The following FREM2 variants were observed in gnomAD, a reference collection of about 807,000 sequenced individuals.
FREM2 encodes FRAS1-related extracellular matrix protein 2.
In FREM2, 119 loss-of-function variants were observed where a neutral mutation model predicts 219.9. The ratio of observed to expected loss-of-function variants is 0.54; its 90% confidence interval spans 0.47 to 0.63. FREM2 has a LOEUF of 0.63. FREM2 is among the 30% of genes least tolerant of loss of function. The probability of loss-of-function intolerance (pLI) is 0.00; values close to 1 mark genes in which losing one functional copy is unlikely to be tolerated. For synonymous variants in FREM2, 1,562 were observed against 1,522.8 expected (o/e 1.03, Z -0.60); for missense variants, 4,030 against 3,993.6 (o/e 1.01, Z -0.25).
intron 3 of FREM2, among the ~76,000 whole-genome samples, chr13:38,768,780 A>G (rs1358112792): frequency 6.6e-6 from 1 of 152,180 alleles, no homozygotes; most frequent in Non-Finnish European, 1.5e-5. Context: ...CTTTTGGATA[A>G]TGTACCCTAT....
chr13:38,725,527 G>T (rs1265434439), intron 2 of FREM2, among the ~76,000 whole-genome samples: 1 of 152,182 alleles, frequency 6.6e-6, no homozygotes, highest in African/African-American at 2.4e-5. Context: ...GGAAAGACCG[G>T]GGAGAAATTG....
chr13:38,760,624 G>GT (rs141449486), intron 2 of FREM2, among the ~76,000 whole-genome samples: 9,500 of 152,044 alleles, frequency 0.062, 387 homozygotes, highest in Non-Finnish European at 0.094. Flanking sequence ...ACCAATTACT[G>GT]TTTTTTAATA....
intron 11 of FREM2, among the ~76,000 whole-genome samples, chr13:38,855,138 AT>A (rs34156270): frequency 0.28 from 42,218 of 150,292 alleles, 8,210 homozygotes; most frequent in African/African-American, 0.55. Context: ...AATAATTCTG[AT>A]TTTTTTTTTA....
intron 2 of FREM2, among the ~76,000 whole-genome samples, chr13:38,729,676 A>G (rs1593370594): frequency 6.6e-6 from 1 of 152,190 alleles, no homozygotes; most frequent in African/African-American, 2.4e-5. Flanking sequence ...TGATATGTGT[A>G]TTGAGGCTTT....
intron 2 of FREM2, among the ~76,000 whole-genome samples, chr13:38,754,885 TGATGATGATG>T (rs1566129649): frequency 8.0e-5 from 8 of 100,438 alleles, no homozygotes; most frequent in East Asian, 2.9e-4. Context: ...ATGATGATGA[TGATGATGATG>T]ATGATGATTA....
At chr13:38,818,894 A>G (rs1875882455) in intron 6 of FREM2, among the ~76,000 whole-genome samples, 2 of 152,080 alleles carry the variant, frequency 1.3e-5, no homozygotes, top group Admixed American at 1.3e-4. Context: ...TCCGTCTCAA[A>G]AAAAAAATGC....
At chr13:38,815,359 C>G (rs1378075106) in intron 6 of FREM2, among the ~76,000 whole-genome samples, 1 of 151,790 alleles carries the variant, frequency 6.6e-6, no homozygotes, top group Admixed American at 6.6e-5. Flanking sequence ...AGGCAAGAAA[C>G]AAATCTCAGA....
chr13:38,749,746 G>T (rs1268652837), intron 2 of FREM2, among the ~76,000 whole-genome samples: 1 of 151,914 alleles, frequency 6.6e-6, no homozygotes, highest in Non-Finnish European at 1.5e-5. Context: ...TTCCCCAAAG[G>T]GCAAAATTAT....
chr13:38,762,382 C>G (rs1873260691), intron 2 of FREM2, among the ~76,000 whole-genome samples: 1 of 152,002 alleles, frequency 6.6e-6, no homozygotes, highest in Non-Finnish European at 1.5e-5. Flanking sequence ...TTCATCAGCG[C>G]AAAATGTGGA....
chr13:38,759,111 T>A (rs1328235129), intron 2 of FREM2, among the ~76,000 whole-genome samples: 1 of 152,220 alleles, frequency 6.6e-6, no homozygotes, highest in Non-Finnish European at 1.5e-5. Flanking sequence ...TCTTTTCTCA[T>A]ATAAATATCT....
rs1341103036 is a variant in FREM2, at chr13:38,697,726, T to C, written c.5202T>C (p.Tyr1734=). The change falls in exon 2 of 24, where the codon TAT becomes TAC. Residue 1734 remains tyrosine, a synonymous_variant. Coordinates refer to ENST00000280481, the MANE Select transcript of FREM2 (RefSeq NM_207361.6). ...QADIDDMKIC[Y]VLREGANATS... ...ACATTGATGACATGAAAATATGCTATGTCTTAAGAGAAGGGGCTAATGCCA... is the reference window on the plus strand; with the variant it reads ...ACATTGATGACATGAAAATATGCTACGTCTTAAGAGAAGGGGCTAATGCCA... 1.9e-6 allele frequency: 3 copies of C among 1,607,588 alleles called. No individual in the cohort carries two copies. In the South Asian group the frequency reaches 3.3e-5, roughly 18 times the overall value.
At chr13:38,875,886 C>A in intron 18 of FREM2, 136 bp from the exon 19 acceptor site, 2 of 839,798 alleles carry the variant, frequency 2.4e-6, no homozygotes, top group Non-Finnish European at 4.0e-6. Context: ...ATTATACTAA[C>A]CATGACTGCT....
intron 23 of FREM2, among the ~76,000 whole-genome samples, chr13:38,879,591 T>C (rs1312498604): frequency 1.3e-5 from 2 of 152,266 alleles, no homozygotes; most frequent in Non-Finnish European, 2.9e-5. Context: ...GGATATTTAC[T>C]GAAAATTAAC....
intron 7 of FREM2, among the ~76,000 whole-genome samples, chr13:38,847,192 G>A (rs1037805134): frequency 3.9e-4 from 58 of 148,618 alleles, no homozygotes; most frequent in African/African-American, 1.4e-3. Context: ...TCCACACTTC[G>A]TTATAAAAAA....
chr13:38,877,255 C>A lies in FREM2; in HGVS notation c.8671+12C>A, dbSNP rs1443969238. On this transcript the variant is annotated intron_variant, in intron 21 of 23. Coordinates refer to ENST00000280481, the MANE Select transcript of FREM2 (RefSeq NM_207361.6). ...TGCTTTTGCAGAAGGTATCACTTTA[C>A]AAATGAGAGGGATGCTCTGTTTGTC... 8 of 1,613,488 alleles carry A rather than the reference C, an allele frequency of 5.0e-6. No homozygotes were observed. In the Admixed American group the frequency reaches 1.3e-4, roughly 27 times the overall value.
chr13:38,799,148 C>G (rs535127189), intron 6 of FREM2, among the ~76,000 whole-genome samples: 18 of 151,952 alleles, frequency 1.2e-4, no homozygotes, highest in Admixed American at 9.2e-4. Flanking sequence ...TACTTTTGCT[C>G]TATCACACAA....
intron 2 of FREM2, among the ~76,000 whole-genome samples, chr13:38,748,798 A>G (rs1872584785): frequency 6.6e-6 from 1 of 152,158 alleles, no homozygotes; most frequent in Non-Finnish European, 1.5e-5. Context: ...TATTTTGGGA[A>G]GTGCTTTCCC....
At position 38,829,709 on chromosome 13, in the gene FREM2, C is replaced by T. The variant is rs143363393; in HGVS notation, c.6020-16864C>T. ...CTATTAAGTGAGTATAGAGCCCATT[C>T]CTCTATGAATAATTTTTTTATTTGA... On this transcript the variant is annotated intron_variant, in intron 6 of 23. Transcript: ENST00000280481. 2.3e-3 allele frequency among the ~76,000 whole-genome samples: 352 copies of T among 150,400 alleles called. 2 individuals carry two copies. Among genetic ancestry groups the T allele is most frequent in the African/African-American group, 8.5e-3 (347 of 40,926 alleles).
chr13:38,768,529 G>A (rs1055984492), intron 3 of FREM2, among the ~76,000 whole-genome samples: 2 of 152,116 alleles, frequency 1.3e-5, no homozygotes, highest in South Asian at 2.1e-4. Context: ...CACCCACCTC[G>A]CCCTTCCAAA....
Sources: allele counts gnomAD v4.1 joint callset (sites outside exome capture counted in the v4.1 genomes callset), GRCh38; gene constraint gnomAD v4.1.1; transcripts MANE v1.5; gene names NCBI Gene and HGNC (gene_info 2026-07-23, HGNC 2026-07-21).